ANO1: variants seen among roughly 807,000 people sequenced by gnomAD.
The protein encoded by ANO1 is anoctamin-1.
ANO1 carries 59 observed loss-of-function variants against 124.0 expected under a neutral mutation model. The observed-to-expected ratio is 0.48, with a 90% CI of 0.39 to 0.59. The LOEUF (loss-of-function observed/expected upper bound fraction) is 0.59. Among genes scored for constraint, ANO1 ranks in the 20% least tolerant of loss-of-function variants. The pLI is 0.00. For missense variants in ANO1, 1,059 were observed against 1,328.0 expected, an observed-to-expected ratio of 0.80 and a Z score of 3.15; for synonymous variants, 529 against 532.0, an observed-to-expected ratio of 0.99 and a Z score of 0.08.
chr11:70,099,160 G>A (rs529734807), intron 2 of ANO1, among the ~76,000 whole-genome samples: 233 of 152,298 alleles, frequency 1.5e-3, no homozygotes, highest in African/African-American at 5.4e-3. Flanking sequence ...AGGGCCAAGA[G>A]TCGGGGCAGA....
chr11:69,976,829 C>T, the ANO1 span, among the ~76,000 whole-genome samples: 3 of 152,324 alleles, frequency 2.0e-5, no homozygotes, highest in Admixed American at 1.3e-4. Flanking sequence ...CTGACCGGCC[C>T]GGGCCATGAC....
At chr11:69,978,405 C>A in the ANO1 span, among the ~76,000 whole-genome samples, 1 of 152,162 alleles carries the variant, frequency 6.6e-6, no homozygotes, top group African/African-American at 2.4e-5. Flanking sequence ...GGCTGGAGTG[C>A]AGTGGCACGA....
chr11:70,149,608 C>A, intron 11 of ANO1, 102 bp from the exon 12 acceptor site: 2 of 1,221,708 alleles, frequency 1.6e-6, no homozygotes, highest in South Asian at 1.3e-5. Context: ...GGAGATTGCG[C>A]CATTGCACTA....
intron 11 of ANO1, among the ~76,000 whole-genome samples, chr11:70,143,119 C>T (rs1360093307): frequency 6.6e-6 from 1 of 152,210 alleles, no homozygotes; most frequent in Non-Finnish European, 1.5e-5. Flanking sequence ...TGTGCCCTGC[C>T]TGCTTCCCAG....
chr11:70,065,370 C>T (rs78679647), intron 1 of ANO1: 2,052 of 152,428 alleles, frequency 0.013, 45 homozygotes, highest in African/African-American at 0.046. Context: ...GGGGCCTTGA[C>T]TAAAATGTGT....
intron 21 of ANO1, 131 bp from the exon 22 acceptor site, chr11:70,170,756 G>A (rs954332654): frequency 4.5e-6 from 5 of 1,108,748 alleles, no homozygotes; most frequent in Non-Finnish European, 5.1e-6. Flanking sequence ...TGCAGGTGGG[G>A]TCCATGCAGG....
intron 1 of ANO1, among the ~76,000 whole-genome samples, chr11:69,995,395 C>A (rs1856250178): frequency 6.6e-6 from 1 of 152,256 alleles, no homozygotes; most frequent in Non-Finnish European, 1.5e-5. Context: ...CCATGCCCGG[C>A]CACTGGCACG....
chr11:69,983,347 A>T (rs1318830645), upstream of ANO1, among the ~76,000 whole-genome samples: 1 of 152,162 alleles, frequency 6.6e-6, no homozygotes, highest in Admixed American at 6.5e-5. Context: ...CCGCCTCGCC[A>T]AAAAGGGAAA....
intron 2 of ANO1, among the ~76,000 whole-genome samples, chr11:70,091,498 C>T (rs2044623141): frequency 6.6e-6 from 1 of 152,204 alleles, no homozygotes; most frequent in African/African-American, 2.4e-5. Flanking sequence ...GAAATGTCCC[C>T]AGACATTGCC....
At chr11:70,077,909 G>C (rs1262897421), upstream of ANO1, among the ~76,000 whole-genome samples, 1 of 152,148 alleles carries the variant, frequency 6.6e-6, no homozygotes, top group Non-Finnish European at 1.5e-5. Context: ...CAGCTGGAGG[G>C]GGCGGGTCGG....
chr11:70,137,468 T>G (rs2046995306), intron 11 of ANO1, among the ~76,000 whole-genome samples: 1 of 119,876 alleles, frequency 8.3e-6, no homozygotes, highest in Non-Finnish European at 1.7e-5. Context: ...TCCCTCGCCT[T>G]CCTAGAGACC....
chr11:69,975,097 T>C, the ANO1 span, among the ~76,000 whole-genome samples: 521 of 152,248 alleles, frequency 3.4e-3, 1 homozygote, highest in African/African-American at 0.012. Flanking sequence ...GTGGCTACCA[T>C]GGCCACTGAC....
chr11:69,976,534 A>G, the ANO1 span, among the ~76,000 whole-genome samples: 1 of 59,860 alleles, frequency 1.7e-5, no homozygotes, highest in Non-Finnish European at 3.7e-5. Context: ...AAAAAAAAAA[A>G]AAAAAAAAAA....
intron 1 of ANO1, among the ~76,000 whole-genome samples, chr11:70,013,907 T>A (rs1555001489): frequency 6.6e-6 from 1 of 152,066 alleles, no homozygotes; most frequent in African/African-American, 2.4e-5. Context: ...GTCAGGGCGC[T>A]GCCAAGCCTG....
intron 21 of ANO1, among the ~76,000 whole-genome samples, chr11:70,170,456 G>A (rs1234328634): frequency 5.9e-5 from 9 of 152,192 alleles, no homozygotes; most frequent in Admixed American, 5.9e-4. Context: ...AGCAGTCATA[G>A]TGGTGCATGC....
rs76048674 is a variant in ANO1 at position 70,161,808 on chromosome 11, G to C, written c.1892+75G>C. On this transcript the variant is annotated intron_variant, in intron 18 of 25. Coordinates refer to ENST00000355303, the MANE Select transcript of ANO1 (RefSeq NM_018043.7). ...AGAGGGCTCTCCCTCCCCACAGGTT[G>C]GGGGCACCTGGAGCCCAGGGCAGGG... The C allele has an allele frequency of 2.8e-6, 4 of 1,446,048 alleles. No homozygotes were observed. The African/African-American group carries it at 4.2e-5, about 15-fold the overall frequency. 89.6% of individuals were successfully genotyped at this position (1,446,048 alleles called of 1,614,324 possible).
In ANO1 at chr11:70,012,864, A is replaced by G. The variant is rs538785112; in HGVS notation, c.58+26698A>G. ...CATCCATTCATTTGCTTTTTCATCC[A>G]TCCATCCTTTCATTCACAGTGAGCA... On this transcript the variant is annotated intron_variant, in intron 1 of 27. Transcript: ENST00000531349. Among the ~76,000 whole-genome samples, 5 of 152,310 alleles carry G rather than the reference A, an allele frequency of 3.3e-5. No homozygotes were observed. In the East Asian group the frequency reaches 9.6e-4, roughly 29 times the overall value.
rs527868297 is a variant in ANO1, at chr11:70,049,966, C to T, written c.59-28576C>T. Among the ~76,000 whole-genome samples the T allele has an allele frequency of 3.3e-5, 5 of 152,332 alleles. No homozygotes were observed. In the South Asian group the frequency reaches 1.0e-3, roughly 32 times the overall value. ...GAACTCCTGACCTCAGGTGATCCAC[C>T]CGCCTTGGCCTCCCAAAGCTGGGAT... On this transcript the variant is annotated intron_variant, in intron 1 of 27. Coordinates refer to the ANO1 transcript ENST00000531349.
the ANO1 span, among the ~76,000 whole-genome samples, chr11:69,969,482 C>T: frequency 6.6e-6 from 1 of 152,154 alleles, no homozygotes. Flanking sequence ...CACGGTCTGA[C>T]GCTGGAGATG....
Sources: gnomAD v4.1 joint callset for allele counts (sites outside exome capture counted in the v4.1 genomes callset) on GRCh38, gnomAD v4.1.1 for gene constraint, MANE v1.5 for transcripts, NCBI Gene and HGNC (gene_info 2026-07-23, HGNC 2026-07-21) for gene names.